The following MAN2B2 variants were observed in gnomAD, a reference collection of about 807,000 sequenced individuals.
The protein encoded by MAN2B2 is mannosidase alpha class 2B member 2, also known as epididymis-specific alpha-mannosidase.
MAN2B2 carries 106 observed loss-of-function variants against 117.1 expected under a neutral mutation model. That is an observed-to-expected ratio of 0.90 (90% confidence interval 0.77 to 1.06). The LOEUF (loss-of-function observed/expected upper bound fraction) is 1.06, where lower values mean the gene tolerates loss of function less well. Among genes scored for constraint, MAN2B2 ranks in the 50% least tolerant of loss-of-function variants. The pLI, the probability that MAN2B2 is intolerant of heterozygous loss-of-function variation, is 0.00. For synonymous variants in MAN2B2, 544 were observed against 595.1 expected (o/e 0.91, Z 1.25); for missense variants, 1,326 against 1,381.4 (o/e 0.96, Z 0.64).
rs543976842 is a variant in MAN2B2 at position 6,586,921 on chromosome 4, C to T, written c.392-75C>T. On this transcript the variant is annotated intron_variant, in intron 3 of 18. Transcript: ENST00000285599. ...CTGCAACCCACTGGATAGGCAGGGT[C>T]CCCTGGGGTGAGGATGGGGCCGGGA... 16 of 1,445,302 alleles carry T rather than the reference C, an allele frequency of 1.1e-5. No individual in the cohort carries two copies. The African/African-American group carries it at 2.0e-4, about 18-fold the overall frequency. 89.5% of individuals were successfully genotyped at this position (1,445,302 alleles called of 1,614,324 possible).
rs545514164 is a variant in MAN2B2, at chr4:6,605,087, T to C, written c.1572T>C (p.Tyr524=). Residue 524 remains tyrosine, a synonymous_variant, in exon 11 of 19, where the codon TAT becomes TAC. Transcript: ENST00000285599. ...ACTCAACAGAGACCCCATCTGCGTATGACCTGCTTATTCTGACCACAATCC... is the reference window on the plus strand; with the variant it reads ...ACTCAACAGAGACCCCATCTGCGTACGACCTGCTTATTCTGACCACAATCC... The part of the protein sequence containing the change: ...IQNSTETPSA[Y]DLLILTTIPG... 3 of 1,614,114 alleles carry C rather than the reference T, an allele frequency of 1.9e-6. No individual in the cohort carries two copies. In the African/African-American group the frequency reaches 4.0e-5, roughly 22 times the overall value.
At chr4:6,604,732 TG>T (rs2108750450) in intron 10 of MAN2B2, among the ~76,000 whole-genome samples, 2 of 152,146 alleles carry the variant, frequency 1.3e-5, no homozygotes, top group Non-Finnish European at 2.9e-5. Context: ...GATTTGGGTT[TG>T]CTTTTGGGAG....
intron 10 of MAN2B2, among the ~76,000 whole-genome samples, chr4:6,603,374 C>T (rs529968107): frequency 6.6e-6 from 1 of 152,272 alleles, no homozygotes; most frequent in South Asian, 2.1e-4. Flanking sequence ...TGGACCTGAG[C>T]GAGGCCAGGC....
intron 2 of MAN2B2, among the ~76,000 whole-genome samples, chr4:6,577,828 G>T (rs577617267): frequency 1.3e-5 from 2 of 152,372 alleles, no homozygotes; most frequent in Admixed American, 1.3e-4. Flanking sequence ...GGCAGGAATT[G>T]TTGCCTGCTT....
chr4:6,603,253 C>T (rs2108749600), intron 10 of MAN2B2, among the ~76,000 whole-genome samples: 1 of 152,252 alleles, frequency 6.6e-6, no homozygotes, highest in African/African-American at 2.4e-5. Context: ...AGACACGCCA[C>T]CCAGCTGACC....
rs960857541 is a variant in MAN2B2, at chr4:6,622,020, C to A, written c.*735C>A. On this transcript the variant is annotated 3_prime_UTR_variant, in exon 19 of 19. Transcript: ENST00000285599. ...CTCCCGCGTTCATAGCAGCATTACT[C>A]AAAAGTCAAACGGTAGCAACAACCC... 1.3e-5 allele frequency: 2 copies of A among 152,250 alleles called. No homozygotes were observed. The highest frequency in any genetic ancestry group is 4.8e-5 in the African/African-American group (2 of 41,442). 9.4% of individuals were successfully genotyped at this position (152,250 alleles called of 1,614,324 possible). A position where few individuals can be genotyped will look rare whatever the true frequency, so the allele number is the denominator to read the frequency against.
chr4:6,600,499 TG>T, intron 9 of MAN2B2, 123 bp from the exon 10 acceptor site: 2 of 1,151,692 alleles, frequency 1.7e-6, no homozygotes, highest in Non-Finnish European at 1.3e-6. Flanking sequence ...CTGGCTCCCC[TG>T]GGAGTTCTGG....
intron 10 of MAN2B2, 128 bp from the exon 11 acceptor site, chr4:6,604,927 G>A: frequency 1.7e-6 from 2 of 1,144,110 alleles, no homozygotes; most frequent in Non-Finnish European, 1.2e-6. Context: ...CAGAACTGGG[G>A]GCAGGGAGGA....
At chr4:6,585,006 A>C (rs1726578000) in intron 3 of MAN2B2, among the ~76,000 whole-genome samples, 2 of 148,860 alleles carry the variant, frequency 1.3e-5, no homozygotes, top group Non-Finnish European at 1.5e-5. Context: ...GCTGTTGCCC[A>C]CTCCCTCCTT....
rs1392718720 is a variant in MAN2B2 at position 6,597,259 on chromosome 4, T to C, written c.1204T>C (p.Trp402Arg). ...CCCCCGTGGGCATCTGGACCCCACC[T>C]GGGCCCTGCAGCAGCTCCAGCAGCT... Reference protein sequence around the residue: ...PAPRGHLDPTWALQQLQQLRW... With the variant: ...PAPRGHLDPTRALQQLQQLRW... The change falls in exon 8 of 19, where the codon TGG (tryptophan) becomes CGG (arginine). Residue 402 changes from tryptophan (W) to arginine (R), a missense_variant. By Grantham distance (101) the Trp-to-Arg change is moderately radical. Transcript: ENST00000285599. 1 of 1,586,258 alleles carries C rather than the reference T, an allele frequency of 6.3e-7. No homozygotes were observed. Among genetic ancestry groups the C allele is most frequent in the African/African-American group, 1.4e-5 (1 of 73,680 alleles).
At position 6,575,341 on chromosome 4, in the gene MAN2B2, C is replaced by T. The variant is rs1400560050; in HGVS notation, c.131C>T (p.Thr44Ile). The change falls in exon 1 of 19, where the codon ACT becomes ATT. Residue 44 changes from threonine to isoleucine, a missense_variant. Transcript: ENST00000285599. The part of the protein sequence containing the change: ...HSHMDVGWVY[T>I]VQESMRAYAA... ...CACATGGACGTGGGCTGGGTCTACA[C>T]TGTGCAGGTAGGTGCCGACCACGCC... 1.3e-6 allele frequency: 2 copies of T among 1,580,034 alleles called. No homozygotes were observed. Among genetic ancestry groups the T allele is most frequent in the Middle Eastern group, 1.8e-4 (1 of 5,690 alleles).
At chr4:6,592,779 T>G (rs1726906330) in intron 5 of MAN2B2, among the ~76,000 whole-genome samples, 1 of 152,224 alleles carries the variant, frequency 6.6e-6, no homozygotes, top group South Asian at 2.1e-4. Flanking sequence ...ATACTGAGCC[T>G]GTCTTTATTT....
chr4:6,604,141 C>A (rs1265247974), intron 10 of MAN2B2, among the ~76,000 whole-genome samples: 1 of 152,132 alleles, frequency 6.6e-6, no homozygotes, highest in Non-Finnish European at 1.5e-5. Flanking sequence ...GCAGGAGTGT[C>A]AGGAAGGAAG....
Position 6,597,232 on chromosome 4 carries a change from GC to G in MAN2B2, c.1183del (p.Arg395ValfsTer37). ...CATGTTCACACGCTACCTGTGGCCGGCCCCCCGTGGGCATCTGGACCCCACC... is the reference window on the plus strand; with the variant it reads ...CATGTTCACACGCTACCTGTGGCCGGCCCCCGTGGGCATCTGGACCCCACC... The part of the protein sequence containing the change: ...ESMFTRYLWP[A>X]PRGHLDPTWA... On this transcript the variant is annotated frameshift_variant, in exon 8 of 19. Coordinates refer to ENST00000285599, the MANE Select transcript of MAN2B2 (RefSeq NM_015274.3). LOFTEE classifies it high-confidence loss of function. 1 of 1,605,260 alleles carries G rather than the reference GC, an allele frequency of 6.2e-7. No individual in the cohort carries two copies. Among genetic ancestry groups the G allele is most frequent in the Non-Finnish European group, 8.5e-7 (1 of 1,175,310 alleles).
At chr4:6,605,429 G>T (rs972909031) in intron 11 of MAN2B2, 100 bp downstream of exon 11, 2 of 1,386,236 alleles carry the variant, frequency 1.4e-6, no homozygotes, top group Admixed American at 2.3e-5. Context: ...TTGCCTGGGG[G>T]AAGGACAGAT....
At chr4:6,587,744 G>GTTTTTTTTTT (rs1553912035) in intron 4 of MAN2B2, among the ~76,000 whole-genome samples, 1 of 128,050 alleles carries the variant, frequency 7.8e-6, no homozygotes, top group Non-Finnish European at 1.7e-5. Context: ...GGTCTTTTGG[G>GTTTTTTTTTT]TTGTTGTTTT....
rs372091385 is a variant in MAN2B2, at chr4:6,609,329, G to A, written c.2006+31G>A. The A allele has an allele frequency of 6.2e-6, 10 of 1,603,758 alleles. No individual in the cohort carries two copies. The African/African-American group carries it at 6.7e-5, about 11-fold the overall frequency. Reference sequence around the variant, plus strand: ...TCCCCTGGGGTGACCCCCACAGCCCGGCACACAGTCAGCGCACGCGTGCAG... The same window carrying A: ...TCCCCTGGGGTGACCCCCACAGCCCAGCACACAGTCAGCGCACGCGTGCAG... On this transcript the variant is annotated intron_variant, in intron 12 of 18. Transcript: ENST00000285599.
rs777542628 is a variant in MAN2B2 at position 6,622,741 on chromosome 4, C to T, written c.*1456C>T. On this transcript the variant is annotated 3_prime_UTR_variant, in exon 19 of 19. Transcript: ENST00000285599. ...GTGAGCCAATGTGCCCGGCCTAAAC[C>T]GTTTTAAAGAGTAAACTGTAAGATG... 2.0e-5 allele frequency: 3 copies of T among 151,634 alleles called. No individual in the cohort carries two copies. Among genetic ancestry groups the T allele is most frequent in the African/African-American group, 4.9e-5 (2 of 40,932 alleles). The allele number at this position is 151,634 out of a possible 1,614,324, so 9.4% of individuals were successfully genotyped here. A position where few individuals can be genotyped will look rare whatever the true frequency, so the allele number is the denominator to read the frequency against.
intron 5 of MAN2B2, among the ~76,000 whole-genome samples, chr4:6,592,538 A>C (rs1364109396): frequency 6.6e-6 from 1 of 152,178 alleles, no homozygotes; most frequent in Non-Finnish European, 1.5e-5. Flanking sequence ...CGGGAGTTCG[A>C]GGCTGCAGTG....
Sources: allele counts gnomAD v4.1 joint callset (sites outside exome capture counted in the v4.1 genomes callset), GRCh38; gene constraint gnomAD v4.1.1; transcripts MANE v1.5; gene names NCBI Gene and HGNC (gene_info 2026-07-23, HGNC 2026-07-21).